The following NRG3 variants were observed in gnomAD, a reference collection of about 807,000 sequenced individuals.
The protein encoded by NRG3 is neuregulin 3, also known as pro-neuregulin-3, membrane-bound isoform.
In NRG3, 31 loss-of-function variants were observed where a neutral mutation model predicts 66.9. The observed-to-expected ratio is 0.46, with a 90% CI of 0.35 to 0.63. The LOEUF (loss-of-function observed/expected upper bound fraction) is 0.63, where lower values mean the gene tolerates loss of function less well. Ranked by LOEUF, NRG3 falls within the 20% of genes least tolerant of loss-of-function variation. The probability of loss-of-function intolerance (pLI) is 0.00; values close to 1 mark genes in which losing one functional copy is unlikely to be tolerated. For missense variants in NRG3, 910 were observed against 878.9 expected (o/e 1.04, Z -0.45); for synonymous variants, 393 against 359.4 (o/e 1.09, Z -1.06).
In NRG3 at chr10:82,813,405, G is replaced by C. The variant is rs148393025; in HGVS notation, c.1028-52006G>C. Among the ~76,000 whole-genome samples, 1,391 of 151,858 alleles carry C rather than the reference G, an allele frequency of 9.2e-3. 17 individuals are homozygous for C. Among genetic ancestry groups the C allele is most frequent in the African/African-American group, 0.031 (1,292 of 41,408 alleles). ...ATTTTTGTATTTTTAATAGAAATGA[G>C]GTTTCACCATGTTGGCCAAGCTGGT... On this transcript the variant is annotated intron_variant, in intron 3 of 8. Coordinates refer to ENST00000372141, the MANE Select transcript of NRG3 (RefSeq NM_001010848.4).
chr10:82,888,321 A>G (rs1842884691), intron 4 of NRG3, among the ~76,000 whole-genome samples: 1 of 152,222 alleles, frequency 6.6e-6, no homozygotes, highest in Non-Finnish European at 1.5e-5. Context: ...TGTGCATGAC[A>G]GAATTCCATG....
At chr10:82,413,077 A>G (rs1041880725) in intron 2 of NRG3, among the ~76,000 whole-genome samples, 1 of 152,156 alleles carries the variant, frequency 6.6e-6, no homozygotes, top group African/African-American at 2.4e-5. Flanking sequence ...TATTTTGACT[A>G]TAGATCCTTA....
At chr10:82,017,109 G>A (rs570362495) in intron 1 of NRG3, among the ~76,000 whole-genome samples, 13 of 151,996 alleles carry the variant, frequency 8.6e-5, no homozygotes, top group African/African-American at 2.2e-4. Context: ...AACAGGCCCC[G>A]GTGTGTGATG....
At chr10:82,131,703 A>G (rs1301856076) in intron 1 of NRG3, among the ~76,000 whole-genome samples, 1 of 151,814 alleles carries the variant, frequency 6.6e-6, no homozygotes, top group African/African-American at 2.4e-5. Flanking sequence ...TCTCTCTGTA[A>G]TTTCTTGCAT....
chr10:82,712,911 G>A (rs961421435), intron 2 of NRG3, among the ~76,000 whole-genome samples: 1 of 152,032 alleles, frequency 6.6e-6, no homozygotes, highest in African/African-American at 2.4e-5. Context: ...GTTGAGGTCA[G>A]GAGTTTATGA....
chr10:82,379,689 A>G (rs999023950), intron 2 of NRG3, among the ~76,000 whole-genome samples: 3 of 152,274 alleles, frequency 2.0e-5, no homozygotes, highest in South Asian at 4.1e-4. Flanking sequence ...TTGAGTGTGA[A>G]GTTCTAATTG....
chr10:82,340,095 T>C (rs772686159), intron 1 of NRG3, among the ~76,000 whole-genome samples: 2 of 152,180 alleles, frequency 1.3e-5, no homozygotes, highest in Non-Finnish European at 2.9e-5. Context: ...GTTTGCACCG[T>C]GATTTGCAGA....
chr10:82,532,975 T>C (rs1320237981), intron 2 of NRG3, among the ~76,000 whole-genome samples: 1 of 151,846 alleles, frequency 6.6e-6, no homozygotes, highest in African/African-American at 2.4e-5. Context: ...CTTTTTTTTT[T>C]TAATAATGGC....
At chr10:82,053,045 A>T (rs1304691878) in intron 1 of NRG3, among the ~76,000 whole-genome samples, 4 of 141,662 alleles carry the variant, frequency 2.8e-5, no homozygotes, top group Non-Finnish European at 4.7e-5. Flanking sequence ...TCATTCATTT[A>T]TCAAATTAAT....
intron 3 of NRG3, among the ~76,000 whole-genome samples, chr10:82,777,159 C>A (rs1053997865): frequency 6.6e-6 from 1 of 152,048 alleles, no homozygotes; most frequent in Non-Finnish European, 1.5e-5. Flanking sequence ...AGTGGTGTAG[C>A]CTTTGTGTAT....
intron 4 of NRG3, among the ~76,000 whole-genome samples, chr10:82,867,415 T>G (rs1332677780): frequency 6.6e-6 from 1 of 152,214 alleles, no homozygotes; most frequent in Non-Finnish European, 1.5e-5. Context: ...GACTTCATTT[T>G]GCTGTAAAAG....
chr10:82,446,269 A>G (rs181004572), intron 2 of NRG3, among the ~76,000 whole-genome samples: 20 of 152,338 alleles, frequency 1.3e-4, no homozygotes, highest in Non-Finnish European at 5.9e-5. Context: ...CAGTATTGGC[A>G]CAAAGTAGGT....
chr10:82,599,026 G>T (rs572126469), intron 2 of NRG3, among the ~76,000 whole-genome samples: 24 of 151,994 alleles, frequency 1.6e-4, no homozygotes, highest in African/African-American at 5.1e-4. Flanking sequence ...CCCCAGCCTG[G>T]GCAACAAAGG....
At chr10:82,585,484 T>A (rs900186416) in intron 2 of NRG3, among the ~76,000 whole-genome samples, 5 of 152,144 alleles carry the variant, frequency 3.3e-5, no homozygotes, top group African/African-American at 9.7e-5. Context: ...CTTGAGAGTT[T>A]TGTTAACTAC....
chr10:81,991,539 A>C (rs764551534), intron 1 of NRG3, among the ~76,000 whole-genome samples: 1 of 152,176 alleles, frequency 6.6e-6, no homozygotes, highest in African/African-American at 2.4e-5. Flanking sequence ...CCCCAAAGGC[A>C]TGGGTGATTG....
intron 2 of NRG3, among the ~76,000 whole-genome samples, chr10:82,388,070 G>A (rs1181863713): frequency 6.6e-6 from 1 of 152,082 alleles, no homozygotes; most frequent in Non-Finnish European, 1.5e-5. Flanking sequence ...TCATTTCTAA[G>A]ATTAGATCTT....
At chr10:82,376,503 G>T (rs142933272) in intron 2 of NRG3, among the ~76,000 whole-genome samples, 1 of 152,284 alleles carries the variant, frequency 6.6e-6, no homozygotes, top group Non-Finnish European at 1.5e-5. Flanking sequence ...ATAACCAGTA[G>T]AGTGAAACCG....
chr10:82,395,231 A>G (rs2086642739), intron 2 of NRG3, among the ~76,000 whole-genome samples: 1 of 152,226 alleles, frequency 6.6e-6, no homozygotes, highest in Non-Finnish European at 1.5e-5. Flanking sequence ...CATGGGAAAT[A>G]TGGTGTAGGT....
chr10:82,797,333 A>G (rs893003512), intron 3 of NRG3, among the ~76,000 whole-genome samples: 6 of 152,148 alleles, frequency 3.9e-5, no homozygotes, highest in Admixed American at 3.9e-4. Context: ...TAAAGTTTAT[A>G]AATAACTTTA....
Sources: gnomAD v4.1 joint callset for allele counts (sites outside exome capture counted in the v4.1 genomes callset) on GRCh38, gnomAD v4.1.1 for gene constraint, MANE v1.5 for transcripts, NCBI Gene and HGNC (gene_info 2026-07-23, HGNC 2026-07-21) for gene names.